The following SLC28A3 variants were observed in gnomAD, a reference collection of about 807,000 sequenced individuals.
SLC28A3 encodes the protein concentrative Na(+)-nucleoside cotransporter 3.
SLC28A3 carries 68 observed loss-of-function variants against 84.2 expected under a neutral mutation model. The ratio of observed to expected loss-of-function variants is 0.81; its 90% CI spans 0.66 to 0.99. The LOEUF is 0.99. Ranked by LOEUF, SLC28A3 falls within the 50% of genes least tolerant of loss-of-function variation. SLC28A3 has a pLI of 0.00. For synonymous variants in SLC28A3, 267 were observed against 303.6 expected, an observed-to-expected ratio of 0.88 and a Z score of 1.25; for missense variants, 712 against 841.5, an observed-to-expected ratio of 0.85 and a Z score of 1.90.
At chr9:84,294,471 T>A in intron 8 of SLC28A3, among the ~76,000 whole-genome samples, 196 bp from the exon 9 acceptor site, 1 of 152,248 alleles carries the variant, frequency 6.6e-6, no homozygotes, top group East Asian at 1.9e-4. Flanking sequence ...TTGACTTTTT[T>A]CCCCTGTCTT....
intron 5 of SLC28A3, 56 bp downstream of exon 5, chr9:84,302,144 T>A: frequency 6.5e-7 from 1 of 1,544,638 alleles, no homozygotes; most frequent in Non-Finnish European, 8.8e-7. Flanking sequence ...TTTGAAACGG[T>A]GTTGGAAAGG....
At chr9:84,349,936 G>A in the SLC28A3 span, among the ~76,000 whole-genome samples, 1 of 152,084 alleles carries the variant, frequency 6.6e-6, no homozygotes, top group South Asian at 2.1e-4. Flanking sequence ...GAGTCCTTAG[G>A]CAGTTTTTTC....
At chr9:84,335,540 C>T (rs1011797670) in intron 1 of SLC28A3, among the ~76,000 whole-genome samples, 1 of 152,070 alleles carries the variant, frequency 6.6e-6, no homozygotes, top group Admixed American at 6.6e-5. Context: ...AGAGTGAAGC[C>T]CTGTCTCTAT....
At chr9:84,359,251 G>A in the SLC28A3 span, among the ~76,000 whole-genome samples, 1 of 152,112 alleles carries the variant, frequency 6.6e-6, no homozygotes, top group Non-Finnish European at 1.5e-5. Context: ...TTTGGTTTAG[G>A]GCAACTGTAC....
chr9:84,314,891 A>G (rs1291252693), intron 1 of SLC28A3, among the ~76,000 whole-genome samples: 4 of 152,180 alleles, frequency 2.6e-5, no homozygotes, highest in African/African-American at 9.7e-5. Context: ...ATCCTGGCTA[A>G]CATGGTGAAA....
upstream of SLC28A3, among the ~76,000 whole-genome samples, chr9:84,344,176 A>G (rs569000646): frequency 3.4e-4 from 49 of 142,742 alleles, no homozygotes; most frequent in African/African-American, 1.2e-3. Flanking sequence ...ATAAATTCTC[A>G]TCATATGGGT....
chr9:84,356,116 G>C, the SLC28A3 span, among the ~76,000 whole-genome samples: 1 of 152,144 alleles, frequency 6.6e-6, no homozygotes, highest in East Asian at 1.9e-4. Context: ...ACTGCACCCA[G>C]CACCTATTAT....
chr9:84,338,065 G>A (rs751503857), intron 1 of SLC28A3, among the ~76,000 whole-genome samples: 1 of 152,178 alleles, frequency 6.6e-6, no homozygotes, highest in African/African-American at 2.4e-5. Flanking sequence ...CCTGCACCAG[G>A]TCTTACAGGC....
In SLC28A3 at chr9:84,293,248, C is replaced by G. The variant is rs1825305750; in HGVS notation, c.943-500G>C. On this transcript the variant is annotated intron_variant, in intron 9 of 17. Coordinates refer to ENST00000376238, the MANE Select transcript of SLC28A3 (RefSeq NM_001199633.2). ...TGTATTTGAGGTTTGGTCTTTTTTA[C>G]TTAATTGAAATGAACGTGGTTTTTG... Among the ~76,000 whole-genome samples, 3 of 152,194 alleles carry G rather than the reference C, an allele frequency of 2.0e-5. 1 individual carries two copies. In the South Asian group the frequency reaches 6.2e-4, roughly 31 times the overall value.
the SLC28A3 span, among the ~76,000 whole-genome samples, chr9:84,353,520 G>A: frequency 2.0e-5 from 3 of 152,278 alleles, no homozygotes; most frequent in South Asian, 4.1e-4. Context: ...GGCCAGCATG[G>A]CCAACATGGT....
chr9:84,297,237 T>A lies in SLC28A3; in HGVS notation c.845A>T (p.His282Leu), dbSNP rs148080483. ...TGACTTTACCTTAAATGCAAAGAAG[T>A]GGTCTTTGTATTTCTCACCAAAGAC... ...SFVFGEKYKD[H>L]FFAFKVLPIV... The change falls in exon 8 of 18, where the codon CAC becomes CTC. Residue 282 changes from histidine to leucine, a missense_variant. By Grantham distance (99) the His-to-Leu change is moderately conservative. Coordinates refer to ENST00000376238, the MANE Select transcript of SLC28A3 (RefSeq NM_001199633.2). 2 of 1,613,190 alleles carry A rather than the reference T, an allele frequency of 1.2e-6. No individual in the cohort carries two copies. Among genetic ancestry groups the A allele is most frequent in the African/African-American group, 2.7e-5 (2 of 74,890 alleles).
intron 14 of SLC28A3, among the ~76,000 whole-genome samples, chr9:84,281,988 A>AT (rs200088673): frequency 1.2e-3 from 188 of 151,958 alleles, no homozygotes; most frequent in African/African-American, 4.3e-3. Context: ...CAAACAAAAA[A>AT]AACATTAGCC....
At chr9:84,331,587 G>C (rs1826790477) in intron 1 of SLC28A3, among the ~76,000 whole-genome samples, 1 of 152,074 alleles carries the variant, frequency 6.6e-6, no homozygotes, top group African/African-American at 2.4e-5. Flanking sequence ...TGCAGAGTGA[G>C]GCCCATTTCC....
chr9:84,298,647 G>A (rs79421100), intron 6 of SLC28A3, among the ~76,000 whole-genome samples: 2,612 of 152,234 alleles, frequency 0.017, 67 homozygotes, highest in African/African-American at 0.053. Context: ...GCAGAATCTG[G>A]CCATCCTAGT....
At chr9:84,342,127 C>CAAAAAAA (rs200186519), upstream of SLC28A3, among the ~76,000 whole-genome samples, 826 of 68,560 alleles carry the variant, frequency 0.012, 20 homozygotes, top group East Asian at 0.028. Context: ...GACCCTGTCT[C>CAAAAAAA]AAAAAAAAAA....
At position 84,291,792 on chromosome 9, in the gene SLC28A3, G is replaced by A. The variant is rs374174386; in HGVS notation, c.1023+876C>T. ...TCAAATTCAGTTTCCTTGGGCAGTG[G>A]TGCTGGCAAGCGTTCATACCTGGTT... On this transcript the variant is annotated intron_variant, in intron 10 of 17. Coordinates refer to ENST00000376238, the MANE Select transcript of SLC28A3 (RefSeq NM_001199633.2). Among the ~76,000 whole-genome samples the A allele has an allele frequency of 7.9e-5, 12 of 152,284 alleles. No individual in the cohort carries two copies. In the South Asian group the frequency reaches 2.5e-3, roughly 32 times the overall value.
At chr9:84,317,002 AAACAACAAC>A (rs56145118) in intron 1 of SLC28A3, among the ~76,000 whole-genome samples, 25 of 150,276 alleles carry the variant, frequency 1.7e-4, no homozygotes, top group African/African-American at 4.4e-4. Context: ...CTCCGTCTCA[AAACAACAAC>A]AACAACAACA....
chr9:84,335,843 C>A (rs1826956117), intron 1 of SLC28A3, among the ~76,000 whole-genome samples: 1 of 151,964 alleles, frequency 6.6e-6, no homozygotes. Context: ...GAGGAGAAAA[C>A]AGAAATCTTC....
rs1243629651 is a variant in SLC28A3, at chr9:84,287,503, CTATATT to C, written c.1280+539_1280+544del. ...AAACCAAGGCTCCATAAACACTCTGCTATATTTATAAAGAAATATCTTTACAACAAA... is the reference window on the plus strand; with the variant it reads ...AAACCAAGGCTCCATAAACACTCTGCTATAAAGAAATATCTTTACAACAAA... On this transcript the variant is annotated intron_variant, in intron 12 of 17. Coordinates refer to ENST00000376238, the MANE Select transcript of SLC28A3 (RefSeq NM_001199633.2). 2.6e-5 allele frequency among the ~76,000 whole-genome samples: 4 copies of C among 152,192 alleles called. No homozygotes were observed. The East Asian group carries it at 7.7e-4, about 29-fold the overall frequency.
Sources: allele counts gnomAD v4.1 joint callset (sites outside exome capture counted in the v4.1 genomes callset), GRCh38; gene constraint gnomAD v4.1.1; transcripts MANE v1.5; gene names NCBI Gene and HGNC (gene_info 2026-07-23, HGNC 2026-07-21).